The following TMEM196 variants were observed in gnomAD, a reference collection of about 807,000 sequenced individuals.
The protein encoded by TMEM196 is transmembrane protein 196.
TMEM196 carries 17 observed loss-of-function variants against 20.0 expected under a neutral mutation model. The ratio of observed to expected loss-of-function variants is 0.85; its 90% CI spans 0.58 to 1.27. TMEM196 has a LOEUF of 1.27. Among genes scored for constraint, TMEM196 ranks in the 50% most tolerant of loss-of-function variants. The pLI is 0.00. For synonymous variants in TMEM196, 113 were observed against 88.9 expected, an observed-to-expected ratio of 1.27 and a Z score of -1.52; for missense variants, 267 against 223.0, an observed-to-expected ratio of 1.20 and a Z score of -1.26.
chr7:19,735,195 A>AT (rs1371602083), intron 1 of TMEM196, among the ~76,000 whole-genome samples: 1 of 152,190 alleles, frequency 6.6e-6, no homozygotes, highest in Non-Finnish European at 1.5e-5. Context: ...TAAAAGACAA[A>AT]TTTTTTAAAA....
At chr7:19,727,873 A>T (rs1399342767) in intron 2 of TMEM196, among the ~76,000 whole-genome samples, 12 of 152,166 alleles carry the variant, frequency 7.9e-5, no homozygotes. Context: ...ACTATTTTCA[A>T]ATTTCACCAG....
At chr7:19,746,862 C>T (rs1471644757) in intron 1 of TMEM196, among the ~76,000 whole-genome samples, 1 of 152,178 alleles carries the variant, frequency 6.6e-6, no homozygotes, top group Non-Finnish European at 1.5e-5. Context: ...AGAACCTCAG[C>T]AGGAAGGAAT....
Position 19,749,100 on chromosome 7 carries a change from G to C in TMEM196, c.148-19662C>G, listed in dbSNP as rs576811113. On this transcript the variant is annotated intron_variant, in intron 1 of 4. Coordinates refer to ENST00000405844, the MANE Select transcript of TMEM196 (RefSeq NM_001363562.2). The stretch of plus-strand genomic sequence containing the variant: ...TTTTCCAATTTTCTACAGTAAACTT[G>C]TAAAAAATGATAGGATACTAAGTAT... 3.9e-5 allele frequency among the ~76,000 whole-genome samples: 6 copies of C among 152,180 alleles called. No individual in the cohort carries two copies. In the South Asian group the frequency reaches 1.2e-3, roughly 32 times the overall value.
At chr7:19,767,668 A>C (rs1785690750) in intron 1 of TMEM196, among the ~76,000 whole-genome samples, 1 of 152,064 alleles carries the variant, frequency 6.6e-6, no homozygotes, top group East Asian at 1.9e-4. Context: ...GTTAATTTTA[A>C]AATGGGCCAT....
chr7:19,748,794 T>A (rs1398044763), intron 1 of TMEM196, among the ~76,000 whole-genome samples: 1 of 152,176 alleles, frequency 6.6e-6, no homozygotes, highest in African/African-American at 2.4e-5. Flanking sequence ...GAAAGTTTTT[T>A]AGGAGGTAGA....
At chr7:19,733,610 T>C (rs1784288302) in intron 1 of TMEM196, among the ~76,000 whole-genome samples, 1 of 151,640 alleles carries the variant, frequency 6.6e-6, no homozygotes, top group African/African-American at 2.4e-5. Context: ...CAGGGCCTAT[T>C]CAAATATAGA....
chr7:19,767,695 T>C lies in TMEM196; in HGVS notation c.147+4855A>G, dbSNP rs183872180. Among the ~76,000 whole-genome samples the C allele has an allele frequency of 2.5e-3, 384 of 152,082 alleles. 1 individual carries two copies. Among genetic ancestry groups the C allele is most frequent in the African/African-American group, 9.1e-3 (376 of 41,522 alleles). ...ATGGGCCATAAAAATACGTTTGTAA[T>C]TTTTTGGGGGGATAGGAGCAGCATT... On this transcript the variant is annotated intron_variant, in intron 1 of 4. Transcript: ENST00000405844.
intron 4 of TMEM196, 145 bp from the exon 5 acceptor site, chr7:19,722,279 G>A: frequency 1.6e-6 from 1 of 644,958 alleles, no homozygotes; most frequent in Non-Finnish European, 2.6e-6. Flanking sequence ...TGTTATATTT[G>A]AGGAAATAAA....
At chr7:19,759,863 A>T (rs1785366866) in intron 1 of TMEM196, among the ~76,000 whole-genome samples, 1 of 152,088 alleles carries the variant, frequency 6.6e-6, no homozygotes, top group Non-Finnish European at 1.5e-5. Context: ...CTCTGCTTTC[A>T]TTGCAGTAAC....
At chr7:19,770,727 T>A (rs1025371890) in intron 1 of TMEM196, among the ~76,000 whole-genome samples, 3 of 152,228 alleles carry the variant, frequency 2.0e-5, no homozygotes, top group Admixed American at 6.5e-5. Flanking sequence ...TAGATATGTC[T>A]GACTTATTTG....
At chr7:19,732,915 A>C (rs2128018107) in intron 1 of TMEM196, among the ~76,000 whole-genome samples, 1 of 152,342 alleles carries the variant, frequency 6.6e-6, no homozygotes, top group Middle Eastern at 3.4e-3. Flanking sequence ...ATTATTAAGC[A>C]AGTAAAAAAC....
intron 1 of TMEM196, among the ~76,000 whole-genome samples, chr7:19,749,525 C>CT (rs151099461): frequency 6.6e-6 from 1 of 151,904 alleles, no homozygotes; most frequent in Non-Finnish European, 1.5e-5. Context: ...AAGTTCTGCT[C>CT]TTTTTTTTAA....
chr7:19,748,017 A>C (rs1030219032), intron 1 of TMEM196, among the ~76,000 whole-genome samples: 2 of 152,168 alleles, frequency 1.3e-5, no homozygotes, highest in Admixed American at 6.5e-5. Context: ...ATTTGTAAAA[A>C]GGATTACTTC....
intron 1 of TMEM196, among the ~76,000 whole-genome samples, chr7:19,767,117 A>C (rs913395425): frequency 6.6e-6 from 1 of 152,126 alleles, no homozygotes; most frequent in Non-Finnish European, 1.5e-5. Context: ...AGATTTTGTC[A>C]TGGACTTTGG....
At chr7:19,756,036 A>T (rs994237756) in intron 1 of TMEM196, among the ~76,000 whole-genome samples, 2 of 93,538 alleles carry the variant, frequency 2.1e-5, no homozygotes, top group East Asian at 8.8e-4. Context: ...ACTCTATTTA[A>T]AAAAAAAAAA....
intron 1 of TMEM196, among the ~76,000 whole-genome samples, chr7:19,764,343 T>G (rs1383327857): frequency 6.6e-6 from 1 of 152,196 alleles, no homozygotes; most frequent in Non-Finnish European, 1.5e-5. Flanking sequence ...AGCAGACCAG[T>G]CTTGGCATTC....
At chr7:19,734,490 C>A (rs971811389) in intron 1 of TMEM196, among the ~76,000 whole-genome samples, 4 of 152,106 alleles carry the variant, frequency 2.6e-5, no homozygotes, top group African/African-American at 9.7e-5. Flanking sequence ...TGCAGATTAT[C>A]CAGGGATGCC....
chr7:19,735,029 A>G (rs1337476425), intron 1 of TMEM196, among the ~76,000 whole-genome samples: 1 of 152,210 alleles, frequency 6.6e-6, no homozygotes, highest in South Asian at 2.1e-4. Flanking sequence ...CGGTTTTGGC[A>G]TAAGCTATGA....
intron 1 of TMEM196, among the ~76,000 whole-genome samples, chr7:19,736,638 A>T (rs1784418830): frequency 6.6e-6 from 1 of 151,732 alleles, no homozygotes; most frequent in African/African-American, 2.4e-5. Context: ...TGTTTTCAGC[A>T]GTGCTTTACC....
Sources: gnomAD v4.1 joint callset for allele counts (sites outside exome capture counted in the v4.1 genomes callset) on GRCh38, gnomAD v4.1.1 for gene constraint, MANE v1.5 for transcripts, NCBI Gene and HGNC (gene_info 2026-07-23, HGNC 2026-07-21) for gene names.